Variants in TEAD1 observed in about 807,000 individuals in gnomAD.
TEAD1 encodes the protein TEA domain transcription factor 1, also known as transcriptional enhancer factor TEF-1.
TEAD1 carries 9 observed loss-of-function variants against 54.9 expected under a neutral mutation model. That is an observed-to-expected ratio of 0.16 (90% CI 0.10 to 0.29). The LOEUF is 0.29. TEAD1 is among the 10% of genes least tolerant of loss of function. The probability of loss-of-function intolerance (pLI) is 1.00; values close to 1 mark genes in which losing one functional copy is unlikely to be tolerated. For missense variants in TEAD1, 387 were observed against 535.9 expected (o/e 0.72, Z 2.74); for synonymous variants, 200 against 187.8 (o/e 1.07, Z -0.53).
chr11:12,751,475 G>GAC lies in TEAD1; in HGVS notation c.-54-12704_-54-12703insAC, dbSNP rs1372517917. On this transcript the variant is annotated intron_variant, in intron 2 of 12. Coordinates refer to ENST00000527636, the MANE Select transcript of TEAD1 (RefSeq NM_021961.6). ...GAGGAGTGGGGAAAGGCCAGGTCAGGCTTCCCAGTGGAGGGGCTTGAAGTC... is the reference window on the plus strand; with the variant it reads ...GAGGAGTGGGGAAAGGCCAGGTCAGGACCTTCCCAGTGGAGGGGCTTGAAGTC... Among the ~76,000 whole-genome samples the GAC allele has an allele frequency of 2.9e-3, 446 of 152,238 alleles. 3 individuals are homozygous for GAC. Among genetic ancestry groups the GAC allele is most frequent in the African/African-American group, 0.01 (422 of 41,524 alleles).
chr11:12,815,303 ATAGC>A (rs1282193908), intron 3 of TEAD1, among the ~76,000 whole-genome samples: 4 of 151,666 alleles, frequency 2.6e-5, no homozygotes, highest in African/African-American at 9.7e-5. Context: ...CCCTTCCCAG[ATAGC>A]TAGCCACTGC....
chr11:12,692,481 C>G (rs143817594), intron 2 of TEAD1, among the ~76,000 whole-genome samples: 1 of 152,170 alleles, frequency 6.6e-6, no homozygotes, highest in Non-Finnish European at 1.5e-5. Flanking sequence ...TTTGGATACA[C>G]ATTTAATGCC....
At chr11:12,828,300 C>T (rs1447208433) in intron 3 of TEAD1, 1 of 152,162 alleles carries the variant, frequency 6.6e-6, no homozygotes, top group Admixed American at 6.5e-5. Context: ...AGTGTGGCGT[C>T]GGACAGTCAG....
chr11:12,817,517 C>A (rs920884639), intron 3 of TEAD1, among the ~76,000 whole-genome samples: 2 of 152,086 alleles, frequency 1.3e-5, no homozygotes, highest in Non-Finnish European at 2.9e-5. Flanking sequence ...GTATTCGGTG[C>A]CTGTGAGTGC....
chr11:12,706,808 G>C (rs556128603), intron 2 of TEAD1, among the ~76,000 whole-genome samples: 6 of 152,302 alleles, frequency 3.9e-5, no homozygotes, highest in South Asian at 2.1e-4. Context: ...GGGAGAGTCA[G>C]CTTGGGCAGT....
intron 5 of TEAD1, 175 bp from the exon 6 acceptor site, chr11:12,879,533 G>A (rs555852563): frequency 1.9e-4 from 143 of 768,212 alleles, no homozygotes; most frequent in Non-Finnish European, 2.8e-4. Flanking sequence ...TGAGAGGTAC[G>A]GTAGGTTGAG....
intron 3 of TEAD1, among the ~76,000 whole-genome samples, chr11:12,836,792 T>C (rs897819790): frequency 3.3e-5 from 5 of 152,228 alleles, no homozygotes; most frequent in South Asian, 2.1e-4. Flanking sequence ...GAGGTTATTT[T>C]GGTAAACTTT....
intron 2 of TEAD1, among the ~76,000 whole-genome samples, chr11:12,697,656 G>A (rs1943613653): frequency 6.6e-6 from 1 of 152,178 alleles, no homozygotes; most frequent in Non-Finnish European, 1.5e-5. Flanking sequence ...GTATATTTAG[G>A]AAGTGGAAAT....
At chr11:12,908,566 T>C (rs1948558614) in intron 10 of TEAD1, among the ~76,000 whole-genome samples, 1 of 152,186 alleles carries the variant, frequency 6.6e-6, no homozygotes, top group South Asian at 2.1e-4. Flanking sequence ...CATAAAAGAA[T>C]ACAAAACGTA....
intron 2 of TEAD1, among the ~76,000 whole-genome samples, chr11:12,749,931 C>T (rs748644511): frequency 1.2e-4 from 18 of 152,026 alleles, no homozygotes; most frequent in African/African-American, 3.4e-4. Context: ...GGATGGGGTG[C>T]GGGTGGGGCT....
At chr11:12,840,261 AAG>A (rs199674733) in intron 3 of TEAD1, among the ~76,000 whole-genome samples, 291 of 14,062 alleles carry the variant, frequency 0.021, 25 homozygotes, top group African/African-American at 0.031. Context: ...AAAAAAAAAA[AAG>A]AAAAAAAAAA....
In TEAD1 at chr11:12,702,270, T is replaced by G. The variant is rs985289392; in HGVS notation, c.-55+26709T>G. On this transcript the variant is annotated intron_variant, in intron 2 of 12. Transcript: ENST00000527636. ...GGTATCAGGCCACAGCGGTGCAGGG[T>G]AAGAATGTTGGAAATTGACCCTGCG... 1.7e-4 allele frequency among the ~76,000 whole-genome samples: 26 copies of G among 152,146 alleles called. No individual in the cohort carries two copies. The Middle Eastern group carries it at 0.01, about 60-fold the overall frequency.
chr11:12,679,336 TAGC>T (rs1488340739), intron 2 of TEAD1, among the ~76,000 whole-genome samples: 2 of 152,206 alleles, frequency 1.3e-5, no homozygotes, highest in Non-Finnish European at 2.9e-5. Context: ...AGGATTTCAT[TAGC>T]AGTTTTAATT....
At chr11:12,732,655 G>GT (rs1277567823) in intron 2 of TEAD1, among the ~76,000 whole-genome samples, 1 of 152,190 alleles carries the variant, frequency 6.6e-6, no homozygotes, top group African/African-American at 2.4e-5. Context: ...GCATTTCGAT[G>GT]TCCTCCAGAA....
intron 3 of TEAD1, among the ~76,000 whole-genome samples, chr11:12,814,176 T>C (rs1000536155): frequency 6.6e-6 from 1 of 152,124 alleles, no homozygotes; most frequent in Non-Finnish European, 1.5e-5. Context: ...TGTCATTGTT[T>C]GCTCTCTCTG....
At chr11:12,872,282 T>C (rs1704677096) in intron 5 of TEAD1, among the ~76,000 whole-genome samples, 1 of 152,168 alleles carries the variant, frequency 6.6e-6, no homozygotes. Context: ...GCCACTCTGC[T>C]CCTTCAGGAC....
At chr11:12,791,359 A>G (rs557419347) in intron 3 of TEAD1, among the ~76,000 whole-genome samples, 17 of 152,340 alleles carry the variant, frequency 1.1e-4, no homozygotes, top group African/African-American at 4.1e-4. Flanking sequence ...TGTAGTCAGC[A>G]GGGAAGGACC....
intron 2 of TEAD1, among the ~76,000 whole-genome samples, chr11:12,718,395 C>T (rs1944109798): frequency 6.6e-6 from 1 of 152,168 alleles, no homozygotes; most frequent in African/African-American, 2.4e-5. Context: ...AGTCAAAGTG[C>T]TTTGCAAACT....
Position 12,764,158 on chromosome 11 carries a change from G to C in TEAD1, c.-54-21G>C, listed in dbSNP as rs1945156116. On this transcript the variant is annotated intron_variant, in intron 2 of 12. Transcript: ENST00000527636. Reference sequence around the variant, plus strand: ...TTTGTGGTTACCACATCCTTATACTGTTTTTGGTTTTCTCTTCTAGGTTTA... The same window carrying C: ...TTTGTGGTTACCACATCCTTATACTCTTTTTGGTTTTCTCTTCTAGGTTTA... 5 of 1,507,486 alleles carry C rather than the reference G, an allele frequency of 3.3e-6. No individual in the cohort carries two copies. In the Admixed American group the frequency reaches 9.4e-5, roughly 28 times the overall value. 93.4% of individuals were successfully genotyped at this position (1,507,486 alleles called of 1,614,324 possible). A position where few individuals can be genotyped will look rare whatever the true frequency, so the allele number is the denominator to read the frequency against.
Sources: allele counts gnomAD v4.1 joint callset (sites outside exome capture counted in the v4.1 genomes callset), GRCh38; gene constraint gnomAD v4.1.1; transcripts MANE v1.5; gene names NCBI Gene and HGNC (gene_info 2026-07-23, HGNC 2026-07-21).